The following CENPP variants were observed in gnomAD, a reference collection of about 807,000 sequenced individuals.
CENPP encodes centromere protein P.
A neutral mutation model predicts 35.6 loss-of-function variants in CENPP; 24 were observed. The observed-to-expected ratio is 0.67, with a 90% CI of 0.49 to 0.95. The LOEUF is 0.95. CENPP is among the 40% of genes least tolerant of loss of function. The pLI is 0.00. For missense variants in CENPP, 332 were observed against 345.3 expected (o/e 0.96, Z 0.31); for synonymous variants, 120 against 125.5 (o/e 0.96, Z 0.29).
intron 5 of CENPP, among the ~76,000 whole-genome samples, chr9:92,572,509 G>A (rs1850169048): frequency 6.6e-6 from 1 of 152,128 alleles, no homozygotes. Context: ...TTTCTCTCTG[G>A]CTGCTCTTAA....
intron 4 of CENPP, among the ~76,000 whole-genome samples, chr9:92,350,606 C>A (rs898005283): frequency 1.3e-5 from 2 of 152,084 alleles, no homozygotes; most frequent in Admixed American, 1.3e-4. Context: ...TGATGGAGAA[C>A]GAAATATCGT....
At chr9:92,372,760 T>G (rs1564283421) in intron 4 of CENPP, among the ~76,000 whole-genome samples, 1 of 152,310 alleles carries the variant, frequency 6.6e-6, no homozygotes, top group East Asian at 1.9e-4. Flanking sequence ...CATTCTCTTC[T>G]GGCCTGTGAG....
chr9:92,397,376 G>A (rs1468994838), intron 5 of CENPP, among the ~76,000 whole-genome samples: 2 of 152,174 alleles, frequency 1.3e-5, no homozygotes, highest in Non-Finnish European at 2.9e-5. Flanking sequence ...CACCCAGGCT[G>A]GAGTGCAGTG....
chr9:92,517,539 T>C, intron 5 of CENPP: 1 of 1,052,170 alleles, frequency 9.5e-7, no homozygotes, highest in Admixed American at 2.2e-5. Context: ...TTCCCAGATA[T>C]TTTCTATGTT....
rs561178319 is a variant in CENPP at position 92,447,123 on chromosome 9, A to T, written c.564+67264A>T. Among the ~76,000 whole-genome samples the T allele has an allele frequency of 8.5e-5, 13 of 152,226 alleles. No homozygotes were observed. In the South Asian group the frequency reaches 2.7e-3, roughly 32 times the overall value. On this transcript the variant is annotated intron_variant, in intron 5 of 7. Coordinates refer to ENST00000375587, the MANE Select transcript of CENPP (RefSeq NM_001012267.3). ...GACCCCAGACTTTTTGTCACCAGGG[A>T]CCAGTTTTGTGGAATACAATTTTTC...
At chr9:92,395,228 A>T (rs1242777423) in intron 5 of CENPP, among the ~76,000 whole-genome samples, 1 of 152,192 alleles carries the variant, frequency 6.6e-6, no homozygotes, top group Non-Finnish European at 1.5e-5. Context: ...GCAATGACTG[A>T]CCTGCTTTTG....
chr9:92,454,654 A>C (rs1844820508), intron 5 of CENPP, among the ~76,000 whole-genome samples: 1 of 151,128 alleles, frequency 6.6e-6, no homozygotes, highest in Non-Finnish European at 1.5e-5. Flanking sequence ...TTTCTTTGTA[A>C]ATGTTTATGG....
chr9:92,581,678 T>C (rs545234055), intron 5 of CENPP, among the ~76,000 whole-genome samples: 1 of 152,226 alleles, frequency 6.6e-6, no homozygotes, highest in African/African-American at 2.4e-5. Flanking sequence ...TAGACACACA[T>C]TTTAGAATGA....
chr9:92,369,837 A>G (rs1447431412), intron 4 of CENPP, among the ~76,000 whole-genome samples: 1 of 152,088 alleles, frequency 6.6e-6, no homozygotes, highest in African/African-American at 2.4e-5. Flanking sequence ...CCTTTGCCTG[A>G]TTGCTCTGGC....
rs1221878770 is a variant in CENPP, at chr9:92,533,159, G to T, written c.565-78155G>T. Among the ~76,000 whole-genome samples the T allele has an allele frequency of 5.3e-5, 8 of 150,648 alleles. No individual in the cohort carries two copies. The East Asian group carries it at 1.6e-3, about 29-fold the overall frequency. ...TAAAAATACAAAAAAAATTAGCTGG[G>T]TGTGGTGGCACGCGCGTGTAGTCCC... On this transcript the variant is annotated intron_variant, in intron 5 of 7. Coordinates refer to ENST00000375587, the MANE Select transcript of CENPP (RefSeq NM_001012267.3).
At chr9:92,504,994 T>C (rs1846911473) in intron 5 of CENPP, among the ~76,000 whole-genome samples, 1 of 152,212 alleles carries the variant, frequency 6.6e-6, no homozygotes, top group East Asian at 1.9e-4. Context: ...GGCCTGGAGT[T>C]AGTCACAGGA....
chr9:92,388,153 T>C (rs1415399541), intron 5 of CENPP, among the ~76,000 whole-genome samples: 1 of 152,002 alleles, frequency 6.6e-6, no homozygotes. Flanking sequence ...TTTTGTGAAA[T>C]GTTGATCAGC....
intron 5 of CENPP, among the ~76,000 whole-genome samples, chr9:92,605,358 A>ATT (rs200294700): frequency 7.0e-4 from 101 of 145,280 alleles, no homozygotes; most frequent in African/African-American, 2.4e-3. Flanking sequence ...ATTGAAATTC[A>ATT]TTTTTTTTTT....
intron 1 of CENPP, among the ~76,000 whole-genome samples, chr9:92,331,675 T>C (rs748804282): frequency 3.3e-5 from 5 of 152,190 alleles, no homozygotes; most frequent in Non-Finnish European, 5.9e-5. Context: ...AAATTAAAGA[T>C]TGTGGGCTGG....
chr9:92,498,743 TATG>T (rs943143913), intron 5 of CENPP, among the ~76,000 whole-genome samples: 1 of 152,210 alleles, frequency 6.6e-6, no homozygotes, highest in African/African-American at 2.4e-5. Flanking sequence ...AAGCTTTTAT[TATG>T]AGCAGTAATA....
At chr9:92,328,335 G>A (rs530742565) in intron 1 of CENPP, among the ~76,000 whole-genome samples, 53 of 152,090 alleles carry the variant, frequency 3.5e-4, no homozygotes, top group Non-Finnish European at 4.3e-4. Context: ...ATAAGTGGTT[G>A]GATGGATTGG....
At position 92,337,067 on chromosome 9, in the gene CENPP, C is replaced by T. The variant is rs539774376; in HGVS notation, c.290-474C>T. 5.9e-5 allele frequency among the ~76,000 whole-genome samples: 9 copies of T among 152,334 alleles called. No homozygotes were observed. In the East Asian group the frequency reaches 1.2e-3, roughly 20 times the overall value. On this transcript the variant is annotated intron_variant, in intron 2 of 7. Transcript: ENST00000375587. ...GCGCAGTGGCTCATGCCAGTAATCC[C>T]GGCACTTTGGGAGGCCGAGGTGGGT...
intron 5 of CENPP, chr9:92,517,701 A>T: frequency 6.2e-7 from 1 of 1,614,208 alleles, no homozygotes; most frequent in Non-Finnish European, 8.5e-7. Context: ...AGCGGAGCAG[A>T]CCGGGCAGCA....
chr9:92,387,272 T>C (rs1434794070), intron 5 of CENPP, among the ~76,000 whole-genome samples: 2 of 150,002 alleles, frequency 1.3e-5, no homozygotes. Flanking sequence ...CTAGGGAGCC[T>C]GAGTGAGGCA....
Sources: gnomAD v4.1 joint callset for allele counts (sites outside exome capture counted in the v4.1 genomes callset) on GRCh38, gnomAD v4.1.1 for gene constraint, MANE v1.5 for transcripts, NCBI Gene and HGNC (gene_info 2026-07-23, HGNC 2026-07-21) for gene names.